Variants in TMEM63A observed in about 807,000 individuals in gnomAD.
TMEM63A encodes the protein mechanosensitive cation channel TMEM63A.
Under a neutral mutation model 100.6 loss-of-function variants are expected in TMEM63A, and 76 were observed. The ratio of observed to expected loss-of-function variants is 0.76; its 90% CI spans 0.63 to 0.91. TMEM63A has a LOEUF of 0.91. Ranked by LOEUF, TMEM63A falls within the 40% of genes least tolerant of loss-of-function variation. TMEM63A has a pLI of 0.00. For missense variants in TMEM63A, 876 were observed against 1,008.8 expected, an observed-to-expected ratio of 0.87 and a Z score of 1.78; for synonymous variants, 401 against 401.1, an observed-to-expected ratio of 1.00 and a Z score of 0.00.
chr1:225,869,263 C>T (rs1002506986), intron 6 of TMEM63A, among the ~76,000 whole-genome samples: 7 of 152,206 alleles, frequency 4.6e-5, no homozygotes, highest in South Asian at 2.1e-4. Context: ...TAGTCCTGTA[C>T]GTGGTATCAG....
intron 6 of TMEM63A, among the ~76,000 whole-genome samples, chr1:225,868,571 A>G: frequency 6.6e-6 from 1 of 151,880 alleles, no homozygotes; most frequent in Admixed American, 6.6e-5. Flanking sequence ...CTATAATCCC[A>G]GCAACTCAGG....
Position 225,862,517 on chromosome 1 carries a change from T to C in TMEM63A, c.889A>G (p.Thr297Ala), listed in dbSNP as rs1669993127. ...CCACAGGGCTTGGGGTTGATGAGGG[T>C]CCGCTGGCCTGTCTTCACCTGCAGG... ...TNLQVKTGQRTLINPKPCGQF... is the reference protein window; with the variant it reads ...TNLQVKTGQRALINPKPCGQF... Residue 297 changes from threonine (T) to alanine (A), a missense_variant, in exon 12 of 25, where the codon ACC becomes GCC. Coordinates refer to ENST00000366835, the MANE Select transcript of TMEM63A (RefSeq NM_014698.3). This position sits in a 1 kb window ranked among gnomAD's most constrained non-coding sequence, Gnocchi z 5.1. 1 of 1,613,918 alleles carries C rather than the reference T, an allele frequency of 6.2e-7. No homozygotes were observed.
intron 6 of TMEM63A, among the ~76,000 whole-genome samples, chr1:225,868,550 G>A (rs539301247): frequency 2.9e-4 from 44 of 152,054 alleles, no homozygotes; most frequent in African/African-American, 1.0e-3. Context: ...GCCAAGTGTG[G>A]TGGCACATGC....
At chr1:225,851,600 C>T (rs1045681723) in intron 20 of TMEM63A, among the ~76,000 whole-genome samples, 5 of 152,058 alleles carry the variant, frequency 3.3e-5, no homozygotes, top group African/African-American at 1.2e-4. Context: ...GAACTTTTGA[C>T]CTCAGGTGAT....
Position 225,859,236 on chromosome 1 carries a change from A to T in TMEM63A, c.1337T>A (p.Met446Lys). ...GGGTTTGGTGACATTAAACTTGTCCATGGTGGACAGGATGATGGAGGGTGT... is the reference window on the plus strand; with the variant it reads ...GGGTTTGGTGACATTAAACTTGTCCTTGGTGGACAGGATGATGGAGGGTGT... The part of the protein sequence containing the change: ...LTTPSIILST[M>K]DKFNVTKPIH... Residue 446 changes from methionine to lysine, a missense_variant, in exon 15 of 25, where the codon ATG (methionine) becomes AAG (lysine). Around this residue, in one of 5 missense-constraint regions of TMEM63A, gnomAD observed 487 missense variants for 581.9 expected, o/e 0.84. Coordinates refer to ENST00000366835, the MANE Select transcript of TMEM63A (RefSeq NM_014698.3). 7 of 1,614,134 alleles carry T rather than the reference A, an allele frequency of 4.3e-6. No individual in the cohort carries two copies. The highest frequency in any genetic ancestry group is 5.1e-6 in the Non-Finnish European group (6 of 1,180,028).
rs1877725 is a variant in TMEM63A at position 225,878,403 on chromosome 1, C to T, written c.-14-809G>A. Among the ~76,000 whole-genome samples, 31 of 152,276 alleles carry T rather than the reference C, an allele frequency of 2.0e-4. No homozygotes were observed. In the East Asian group the frequency reaches 5.8e-3, roughly 28 times the overall value. ...GGGACCTCTGGGTCCCCTAGCTCTGCGCTTTCACACACACATACCCCTCCT... is the reference window on the plus strand; with the variant it reads ...GGGACCTCTGGGTCCCCTAGCTCTGTGCTTTCACACACACATACCCCTCCT... On this transcript the variant is annotated intron_variant, in intron 2 of 24. Transcript: ENST00000366835.
chr1:225,866,660 T>C lies in TMEM63A; in HGVS notation c.589A>G (p.Thr197Ala), dbSNP rs769737172. The change falls in exon 9 of 25, where the codon ACC becomes GCC. Residue 197 changes from threonine (T) to alanine (A), a missense_variant. Coordinates refer to ENST00000366835, the MANE Select transcript of TMEM63A (RefSeq NM_014698.3). Reference sequence around the variant, plus strand: ...AAGAGGTAAATGACAGCAAAGATGGTGTGCAGCCAAAGGAGGTCATTGCTG... The same window carrying C: ...AAGAGGTAAATGACAGCAAAGATGGCGTGCAGCCAAAGGAGGTCATTGCTG... ...QTDNDLLWLH[T>A]IFAVIYLFLT... is the part of the protein sequence containing the mutation. 6.2e-7 allele frequency: 1 copy of C among 1,614,080 alleles called. No individual in the cohort carries two copies. Among genetic ancestry groups the C allele is most frequent in the South Asian group, 1.1e-5 (1 of 91,076 alleles).
Position 225,853,548 on chromosome 1 carries a change from TG to T in TMEM63A, c.1797+80del. ...AAATGCTACCCACTAGTGGGGGTAG[TG>T]GGGGTGAGAGGCCCTCGGGTCAGTG... On this transcript the variant is annotated intron_variant, in intron 19 of 24. Transcript: ENST00000366835. This position sits in a 1 kb window ranked among gnomAD's most constrained non-coding sequence, Gnocchi z 4.0. 7 of 1,359,266 alleles carry T rather than the reference TG, an allele frequency of 5.1e-6. No homozygotes were observed. The highest frequency in any genetic ancestry group is 6.9e-6 in the Non-Finnish European group (7 of 1,019,234). 84.2% of individuals were successfully genotyped at this position (1,359,266 alleles called of 1,614,324 possible). A position where few individuals can be genotyped will look rare whatever the true frequency, so the allele number is the denominator to read the frequency against.
At position 225,863,140 on chromosome 1, in the gene TMEM63A, AC is replaced by A. The variant is rs1432320035; in HGVS notation, c.747-290del. ...ACAATCATGGCTCACTGTAGCCTCA[AC>A]CTTCTGGGCTCAATCAATCCTCCCA... On this transcript the variant is annotated intron_variant, in intron 10 of 24. Transcript: ENST00000366835. 1.9e-4 allele frequency: 72 copies of A among 379,358 alleles called. No individual in the cohort carries two copies. The South Asian group carries it at 1.9e-3, about 10-fold the overall frequency. 23.5% of individuals were successfully genotyped at this position (379,358 alleles called of 1,614,324 possible). A position where few individuals can be genotyped will look rare whatever the true frequency, so the allele number is the denominator to read the frequency against.
chr1:225,866,699 C>T lies in TMEM63A; in HGVS notation c.567-17G>A, dbSNP rs1670232861. 1.2e-6 allele frequency: 2 copies of T among 1,611,854 alleles called. No individual in the cohort carries two copies. The highest frequency in any genetic ancestry group is 1.7e-6 in the Non-Finnish European group (2 of 1,178,380). Reference sequence around the variant, plus strand: ...AGGTCATTGCTGAGAGGGAAACCACCTGCCATCAGGGCTGGGATCCCAGGC... The same window carrying T: ...AGGTCATTGCTGAGAGGGAAACCACTTGCCATCAGGGCTGGGATCCCAGGC... On this transcript the variant is annotated splice_polypyrimidine_tract_variant and intron_variant, in intron 8 of 24. Coordinates refer to ENST00000366835, the MANE Select transcript of TMEM63A (RefSeq NM_014698.3).
At chr1:225,847,819 G>T (rs371945162) in intron 23 of TMEM63A, among the ~76,000 whole-genome samples, 2 of 152,136 alleles carry the variant, frequency 1.3e-5, no homozygotes, top group Non-Finnish European at 2.9e-5. Flanking sequence ...GACAGACACC[G>T]ATAAGAGAGC....
At chr1:225,876,657 G>GTTT (rs397983049) in intron 3 of TMEM63A, among the ~76,000 whole-genome samples, 35 of 44,826 alleles carry the variant, frequency 7.8e-4, no homozygotes, top group South Asian at 3.2e-3. Flanking sequence ...TGTTTTTTTG[G>GTTT]TTTTTTTTGA....
chr1:225,871,022 A>C, intron 6 of TMEM63A, 54 bp downstream of exon 6: 16 of 1,600,864 alleles, frequency 1.0e-5, no homozygotes, highest in Non-Finnish European at 1.4e-5. Context: ...CTGGCCAAAC[A>C]CCCAAAAAAA....
rs1162233943 is a variant in TMEM63A, at chr1:225,862,779, G to A, written c.819C>T (p.Cys273=). 1.5e-5 allele frequency: 24 copies of A among 1,614,020 alleles called. No individual in the cohort carries two copies. Among genetic ancestry groups the A allele is most frequent in the Non-Finnish European group, 1.9e-5 (23 of 1,180,014 alleles). Residue 273 remains cysteine (C), a synonymous_variant, in exon 11 of 25, where the codon TGC becomes TGT. Transcript: ENST00000366835. This position sits in a 1 kb window ranked among gnomAD's most constrained non-coding sequence, Gnocchi z 5.1. ...GCCCGCCCACCACTCACTTCTCCTTGCACAGGTAGATCAGTTTGGCCACGT... is the reference window on the plus strand; with the variant it reads ...GCCCGCCCACCACTCACTTCTCCTTACACAGGTAGATCAGTTTGGCCACGT... ...CYNVAKLIYL[C]KEKKKTEKSL... is the part of the protein sequence containing the mutation.
At chr1:225,841,276 C>T (rs1240373417), downstream of TMEM63A, 1 of 152,094 alleles carries the variant, frequency 6.6e-6, no homozygotes, top group Non-Finnish European at 1.5e-5. Flanking sequence ...GCCATTGTCC[C>T]AGCTTTATTT....
At chr1:225,856,251 CT>C (rs1276688602) in intron 17 of TMEM63A, among the ~76,000 whole-genome samples, 1 of 151,638 alleles carries the variant, frequency 6.6e-6, no homozygotes, top group African/African-American at 2.4e-5. Context: ...CTCAAGCAAT[CT>C]GCCCACCTCG....
intron 4 of TMEM63A, 127 bp from the exon 5 acceptor site, chr1:225,872,180 C>T (rs149180444): frequency 1.5e-5 from 10 of 655,450 alleles, no homozygotes; most frequent in African/African-American, 9.2e-5. Flanking sequence ...TACCAGCCCT[C>T]GATGGCTGGG....
At chr1:225,841,032 A>ACC (rs1668358100), downstream of TMEM63A, 1 of 152,222 alleles carries the variant, frequency 6.6e-6, no homozygotes, top group Admixed American at 6.5e-5. Flanking sequence ...CTCTCCTTCA[A>ACC]AAGAACTTGT....
At chr1:225,858,054 C>T (rs1669728588) in intron 15 of TMEM63A, among the ~76,000 whole-genome samples, 1 of 152,172 alleles carries the variant, frequency 6.6e-6, no homozygotes, top group Non-Finnish European at 1.5e-5. Context: ...GGATGAAAAA[C>T]TGAGGTTCAG....
Sources: allele counts gnomAD v4.1 joint callset (sites outside exome capture counted in the v4.1 genomes callset), GRCh38; gene constraint gnomAD v4.1.1; regional missense constraint gnomAD v4.1.1; non-coding constraint Gnocchi (gnomAD v3.1); transcripts MANE v1.5; gene names NCBI Gene and HGNC (gene_info 2026-07-23, HGNC 2026-07-21).